The following LRBA variants were observed in gnomAD, a reference collection of about 807,000 sequenced individuals.
LRBA encodes lipopolysaccharide-responsive and beige-like anchor protein.
Under a neutral mutation model 330.0 loss-of-function variants are expected in LRBA, and 176 were observed. The ratio of observed to expected loss-of-function variants is 0.53; its 90% CI spans 0.47 to 0.60. The LOEUF is 0.60. Ranked by LOEUF, LRBA falls within the 20% of genes least tolerant of loss-of-function variation. LRBA has a pLI of 0.00. For synonymous variants in LRBA, 1,230 were observed against 1,193.0 expected, an observed-to-expected ratio of 1.03 and a Z score of -0.64; for missense variants, 3,259 against 3,444.8, an observed-to-expected ratio of 0.95 and a Z score of 1.35.
At chr4:150,926,376 G>A (rs980702734) in intron 4 of LRBA, among the ~76,000 whole-genome samples, 1 of 152,066 alleles carries the variant, frequency 6.6e-6, no homozygotes, top group African/African-American at 2.4e-5. Flanking sequence ...AGACACGCCT[G>A]AATAGTAAAA....
intron 37 of LRBA, among the ~76,000 whole-genome samples, chr4:150,677,250 T>A (rs6841524): frequency 0.87 from 132,900 of 152,052 alleles, 58,630 homozygotes; most frequent in Non-Finnish European, 0.95. Flanking sequence ...GAAATAGAAC[T>A]TACTGTCAAG....
At chr4:150,666,477 G>A (rs1302406470) in intron 37 of LRBA, among the ~76,000 whole-genome samples, 1 of 151,782 alleles carries the variant, frequency 6.6e-6, no homozygotes, top group Non-Finnish European at 1.5e-5. Context: ...GTGCCACTGT[G>A]TACTCCAGCC....
At chr4:150,703,914 C>G (rs1320503161) in intron 36 of LRBA, among the ~76,000 whole-genome samples, 1 of 151,922 alleles carries the variant, frequency 6.6e-6, no homozygotes, top group Non-Finnish European at 1.5e-5. Flanking sequence ...ACCTAATATC[C>G]CATTTTTGAG....
chr4:150,674,043 G>T (rs147669565), intron 37 of LRBA, among the ~76,000 whole-genome samples: 1 of 152,222 alleles, frequency 6.6e-6, no homozygotes, highest in African/African-American at 2.4e-5. Flanking sequence ...CATATTGTGA[G>T]ATGCCTTGAG....
intron 47 of LRBA, among the ~76,000 whole-genome samples, chr4:150,376,134 C>T (rs1581149309): frequency 6.6e-6 from 1 of 152,166 alleles, no homozygotes; most frequent in East Asian, 1.9e-4. Flanking sequence ...GTGGCTATTG[C>T]TGAGTTCCAG....
At chr4:150,854,974 G>A (rs146507247) in intron 22 of LRBA, among the ~76,000 whole-genome samples, 2 of 152,100 alleles carry the variant, frequency 1.3e-5, no homozygotes, top group African/African-American at 4.8e-5. Context: ...TAAAAGATCA[G>A]TGGCTGGGCA....
At chr4:150,582,262 A>G (rs1031711958) in intron 40 of LRBA, 2 of 152,136 alleles carry the variant, frequency 1.3e-5, no homozygotes, top group Non-Finnish European at 2.9e-5. Context: ...GTTTGCACCT[A>G]AAGAAACACA....
intron 33 of LRBA, among the ~76,000 whole-genome samples, chr4:150,803,621 T>G (rs551875028): frequency 1.3e-5 from 2 of 152,308 alleles, no homozygotes; most frequent in South Asian, 4.1e-4. Flanking sequence ...ATGCTGCTTA[T>G]ACAGTACTAT....
At chr4:150,340,442 T>G (rs753363559) in intron 48 of LRBA, among the ~76,000 whole-genome samples, 11 of 152,214 alleles carry the variant, frequency 7.2e-5, no homozygotes, top group Non-Finnish European at 7.3e-5. Context: ...TTTTTAATCT[T>G]AGATAATCTA....
intron 42 of LRBA, among the ~76,000 whole-genome samples, chr4:150,487,265 T>A (rs1757993268): frequency 6.6e-6 from 1 of 150,538 alleles, no homozygotes; most frequent in African/African-American, 2.4e-5. Flanking sequence ...TGATATATAT[T>A]ATATATATAT....
chr4:150,505,276 A>T (rs891619271), intron 40 of LRBA, among the ~76,000 whole-genome samples: 3 of 151,918 alleles, frequency 2.0e-5, no homozygotes, highest in Non-Finnish European at 4.4e-5. Flanking sequence ...CAGAATATAC[A>T]TTTTTTTTCA....
At chr4:150,784,357 G>C (rs1218668434) in intron 34 of LRBA, among the ~76,000 whole-genome samples, 3 of 152,170 alleles carry the variant, frequency 2.0e-5, no homozygotes, top group Non-Finnish European at 4.4e-5. Flanking sequence ...GGCAACCTTT[G>C]ATATGCAAAT....
intron 47 of LRBA, among the ~76,000 whole-genome samples, chr4:150,378,708 G>GT (rs373237707): frequency 2.0e-5 from 3 of 152,038 alleles, no homozygotes; most frequent in African/African-American, 7.2e-5. Flanking sequence ...ACCATCCAAA[G>GT]GTAAGTTAAA....
At chr4:150,396,526 T>C (rs959370618) in intron 47 of LRBA, among the ~76,000 whole-genome samples, 3 of 142,470 alleles carry the variant, frequency 2.1e-5, no homozygotes, top group African/African-American at 2.5e-5. Context: ...CCAGAAATAA[T>C]GTTTATCACT....
chr4:150,366,535 T>C (rs1739490540), intron 47 of LRBA, among the ~76,000 whole-genome samples: 1 of 152,078 alleles, frequency 6.6e-6, no homozygotes, highest in African/African-American at 2.4e-5. Context: ...AGAGACTGCA[T>C]GGAGGAGTGG....
chr4:150,487,666 T>C lies in LRBA; in HGVS notation c.6551+66A>G, dbSNP rs188664417. On this transcript the variant is annotated intron_variant, in intron 42 of 56. Transcript: ENST00000651943. ...AGATTAATGTTAATAAGAATATTAA[T>C]ACTGGTTAATTATTATAACTATTAA... The C allele has an allele frequency of 7.3e-6, 6 of 820,530 alleles. No individual in the cohort carries two copies. In the Admixed American group the frequency reaches 1.0e-4, roughly 14 times the overall value. The allele number at this position is 820,530 out of a possible 1,614,324, so 50.8% of individuals were successfully genotyped here.
chr4:150,873,665 A>G (rs539211907), intron 17 of LRBA, among the ~76,000 whole-genome samples: 18 of 152,310 alleles, frequency 1.2e-4, no homozygotes, highest in African/African-American at 4.1e-4. Context: ...TGCAACTGAA[A>G]TTAAACTGAT....
chr4:150,757,234 AC>A (rs1734433476), intron 35 of LRBA, among the ~76,000 whole-genome samples: 2 of 152,192 alleles, frequency 1.3e-5, no homozygotes, highest in Admixed American at 1.3e-4. Flanking sequence ...ATCTTATTAA[AC>A]AAATGTAAGT....
intron 40 of LRBA, among the ~76,000 whole-genome samples, chr4:150,557,779 A>G (rs1381599438): frequency 6.6e-6 from 1 of 152,206 alleles, no homozygotes; most frequent in Non-Finnish European, 1.5e-5. Context: ...GCTACATGCT[A>G]TCAACGTGTT....
Sources: gnomAD v4.1 joint callset for allele counts (sites outside exome capture counted in the v4.1 genomes callset) on GRCh38, gnomAD v4.1.1 for gene constraint, MANE v1.5 for transcripts, NCBI Gene and HGNC (gene_info 2026-07-23, HGNC 2026-07-21) for gene names.